HOOK3: variants seen among roughly 807,000 people sequenced by gnomAD.
HOOK3 encodes hook microtubule tethering protein 3, also known as protein Hook homolog 3.
In HOOK3, 24 loss-of-function variants were observed where a neutral mutation model predicts 116.3. That is an observed-to-expected ratio of 0.21 (90% CI 0.15 to 0.29). The LOEUF is 0.29. HOOK3 is among the 10% of genes least tolerant of loss of function. The pLI is 1.00. For synonymous variants in HOOK3, 275 were observed against 283.0 expected (o/e 0.97, Z 0.28); for missense variants, 632 against 830.2 (o/e 0.76, Z 2.93).
chr8:42,948,891 T>C lies in HOOK3; in HGVS notation c.401-1497T>C, dbSNP rs1346470684. ...GCCTATGATTTAGTTGTGTTATGTATATTTGTACTTATAACCAAACAATCG... is the reference window on the plus strand; with the variant it reads ...GCCTATGATTTAGTTGTGTTATGTACATTTGTACTTATAACCAAACAATCG... On this transcript the variant is annotated intron_variant, in intron 5 of 21. Coordinates refer to ENST00000307602, the MANE Select transcript of HOOK3 (RefSeq NM_032410.4). Among the ~76,000 whole-genome samples the C allele has an allele frequency of 2.6e-5, 4 of 152,374 alleles. No homozygotes were observed. In the South Asian group the frequency reaches 6.2e-4, roughly 24 times the overall value.
intron 2 of HOOK3, among the ~76,000 whole-genome samples, chr8:42,918,715 C>T (rs1807581603): frequency 6.6e-6 from 1 of 152,128 alleles, no homozygotes; most frequent in African/African-American, 2.4e-5. Flanking sequence ...GTGAACACAG[C>T]ACATGTTTCA....
rs1809789116 is a variant in HOOK3, at chr8:43,019,770, T to C, written c.*1272T>C. 9.7e-6 allele frequency: 2 copies of C among 205,218 alleles called. No homozygotes were observed. The highest frequency in any genetic ancestry group is 2.0e-5 in the Non-Finnish European group (2 of 100,492). 12.7% of individuals were successfully genotyped at this position (205,218 alleles called of 1,614,324 possible). On this transcript the variant is annotated 3_prime_UTR_variant, in exon 22 of 22. Transcript: ENST00000307602. ...ATTCATTTATAAATGAAATGCCTTC[T>C]AACTTTCCATATTGACTTATGTATT...
intron 14 of HOOK3, among the ~76,000 whole-genome samples, chr8:42,983,351 G>C (rs1466011095): frequency 6.7e-6 from 1 of 148,766 alleles, no homozygotes; most frequent in Non-Finnish European, 1.5e-5. Context: ...AAAAAAAAAA[G>C]GTTTATCTGC....
chr8:42,945,523 C>T (rs1476010077), intron 5 of HOOK3, among the ~76,000 whole-genome samples: 1 of 152,160 alleles, frequency 6.6e-6, no homozygotes, highest in Non-Finnish European at 1.5e-5. Context: ...GTTGGTCAGG[C>T]TGGTCTCAAA....
chr8:42,998,721 C>T (rs897167839), intron 16 of HOOK3, among the ~76,000 whole-genome samples: 55 of 152,168 alleles, frequency 3.6e-4, no homozygotes, highest in African/African-American at 1.3e-3. Flanking sequence ...GTTAGCTCAT[C>T]CCTTAATCAA....
At chr8:42,898,098 C>T (rs1328703910) in intron 1 of HOOK3, among the ~76,000 whole-genome samples, 3 of 152,256 alleles carry the variant, frequency 2.0e-5, no homozygotes, top group East Asian at 1.9e-4. Context: ...GAGAGAAATT[C>T]TCTTTAGCGG....
intron 14 of HOOK3, among the ~76,000 whole-genome samples, chr8:42,984,976 GC>G (rs1171747869): frequency 6.6e-6 from 1 of 151,984 alleles, no homozygotes; most frequent in Non-Finnish European, 1.5e-5. Context: ...ATTAAAATAT[GC>G]TCTGTGTCCA....
At chr8:42,924,360 T>C (rs762237540) in intron 2 of HOOK3, among the ~76,000 whole-genome samples, 4 of 151,738 alleles carry the variant, frequency 2.6e-5, no homozygotes, top group Admixed American at 1.3e-4. Flanking sequence ...TAGTGTTTAT[T>C]AGAAATATGG....
chr8:42,941,171 T>A (rs1284867233), intron 4 of HOOK3, among the ~76,000 whole-genome samples: 1 of 151,080 alleles, frequency 6.6e-6, no homozygotes, highest in African/African-American at 2.4e-5. Context: ...GGTTTCAAAC[T>A]CCTGACCTCA....
chr8:42,947,178 G>A (rs1380972043), intron 5 of HOOK3, among the ~76,000 whole-genome samples: 2 of 152,142 alleles, frequency 1.3e-5, no homozygotes, highest in Non-Finnish European at 2.9e-5. Context: ...TGTCTAACAA[G>A]TGTTCTGTCA....
intron 3 of HOOK3, among the ~76,000 whole-genome samples, chr8:42,926,774 A>G (rs567397159): frequency 2.8e-4 from 43 of 152,136 alleles, no homozygotes; most frequent in Non-Finnish European, 5.1e-4. Context: ...CTTGCACTCT[A>G]TGTTAGTGTG....
At position 42,958,604 on chromosome 8, in the gene HOOK3, T is replaced by G. The variant is rs866323089; in HGVS notation, c.532-627T>G. On this transcript the variant is annotated intron_variant, in intron 7 of 21. Coordinates refer to ENST00000307602, the MANE Select transcript of HOOK3 (RefSeq NM_032410.4). ...CACAACAGTTTTTGATAGTTTTTTTTTTTTTTTTTTTTTTTAAGTTCTGAG... is the reference window on the plus strand; with the variant it reads ...CACAACAGTTTTTGATAGTTTTTTTGTTTTTTTTTTTTTTTAAGTTCTGAG... Among the ~76,000 whole-genome samples, 1,439 of 149,822 alleles carry G rather than the reference T, an allele frequency of 9.6e-3. 23 individuals carry two copies. Among genetic ancestry groups the G allele is most frequent in the African/African-American group, 0.032 (1,319 of 40,958 alleles).
chr8:42,960,807 A>G (rs1165783195), intron 8 of HOOK3, among the ~76,000 whole-genome samples: 5 of 152,236 alleles, frequency 3.3e-5, no homozygotes, highest in African/African-American at 1.2e-4. Flanking sequence ...GAGTAATCCC[A>G]AATAATCACC....
intron 13 of HOOK3, among the ~76,000 whole-genome samples, chr8:42,975,545 A>G (rs1808805892): frequency 6.6e-6 from 1 of 152,218 alleles, no homozygotes; most frequent in African/African-American, 2.4e-5. Flanking sequence ...AAGGCTTCCC[A>G]AAGACACGGG....
At chr8:42,897,252 C>G in intron 1 of HOOK3, 64 bp downstream of exon 1, 1 of 1,129,304 alleles carries the variant, frequency 8.9e-7, no homozygotes, top group Non-Finnish European at 1.1e-6. Flanking sequence ...GGACCCTCCA[C>G]GCGCGGCCCG....
chr8:42,900,284 G>T (rs1807159017), intron 1 of HOOK3, among the ~76,000 whole-genome samples: 1 of 152,082 alleles, frequency 6.6e-6, no homozygotes, highest in Non-Finnish European at 1.5e-5. Flanking sequence ...GTCAAAATTT[G>T]CCCTGCCAAT....
intron 21 of HOOK3, among the ~76,000 whole-genome samples, chr8:43,014,373 A>T (rs1318321565): frequency 2.0e-5 from 3 of 149,376 alleles, no homozygotes; most frequent in African/African-American, 7.4e-5. Context: ...TATTTTTGAG[A>T]TAGAGTCTCG....
At chr8:42,926,660 C>T (rs1261052131) in intron 3 of HOOK3, among the ~76,000 whole-genome samples, 1 of 152,158 alleles carries the variant, frequency 6.6e-6, no homozygotes, top group Non-Finnish European at 1.5e-5. Flanking sequence ...TACCTTTTAC[C>T]CAGTTTCTCC....
intron 17 of HOOK3, 149 bp downstream of exon 17, chr8:43,002,290 C>G: frequency 1.8e-6 from 1 of 547,652 alleles, no homozygotes; most frequent in South Asian, 2.6e-5. Flanking sequence ...TGAAGGGTCA[C>G]TTCTCCCCAA....
Sources: allele counts gnomAD v4.1 joint callset (sites outside exome capture counted in the v4.1 genomes callset), GRCh38; gene constraint gnomAD v4.1.1; transcripts MANE v1.5; gene names NCBI Gene and HGNC (gene_info 2026-07-23, HGNC 2026-07-21).